The following NTMT2 variants were observed in gnomAD, a reference collection of about 807,000 sequenced individuals.
NTMT2 encodes N-terminal Xaa-Pro-Lys N-methyltransferase 2.
A neutral mutation model predicts 23.4 loss-of-function variants in NTMT2; 21 were observed. That is an observed-to-expected ratio of 0.90 (90% CI 0.64 to 1.29). NTMT2 has a LOEUF of 1.29. Ranked by LOEUF, NTMT2 falls within the 50% of genes most tolerant of loss-of-function variation. NTMT2 has a pLI of 0.00. For synonymous variants in NTMT2, 131 were observed against 127.7 expected (o/e 1.03, Z -0.17); for missense variants, 336 against 352.0 (o/e 0.95, Z 0.36).
At chr1:170,163,987 T>G (rs779419951) in intron 2 of NTMT2, among the ~76,000 whole-genome samples, 12 of 152,088 alleles carry the variant, frequency 7.9e-5, no homozygotes, top group Non-Finnish European at 1.5e-4. Context: ...TGGTGTGTGA[T>G]AGTGCACACC....
intron 2 of NTMT2, among the ~76,000 whole-genome samples, chr1:170,164,260 GT>G (rs922887737): frequency 2.6e-5 from 4 of 152,104 alleles, no homozygotes; most frequent in African/African-American, 9.7e-5. Context: ...AAAGTTCATG[GT>G]GCTTTATTGT....
At chr1:170,160,775 G>T in intron 2 of NTMT2, 82 bp downstream of exon 2, 5 of 1,256,980 alleles carry the variant, frequency 4.0e-6, no homozygotes, top group Non-Finnish European at 5.3e-6. Context: ...TGTTATTTAA[G>T]TCACGACTAA....
chr1:170,163,333 C>T (rs1381658725), intron 2 of NTMT2, among the ~76,000 whole-genome samples: 1 of 152,198 alleles, frequency 6.6e-6, no homozygotes, highest in Admixed American at 6.5e-5. Context: ...ATACGAGTAT[C>T]TGACATGACT....
chr1:170,162,476 C>T (rs1673292145), intron 2 of NTMT2, among the ~76,000 whole-genome samples: 2 of 152,158 alleles, frequency 1.3e-5, no homozygotes, highest in African/African-American at 4.8e-5. Flanking sequence ...ACATCAGCTT[C>T]AGCCATAAAG....
chr1:170,150,502 C>T (rs1325950711), intron 1 of NTMT2, among the ~76,000 whole-genome samples: 2 of 152,132 alleles, frequency 1.3e-5, no homozygotes, highest in Non-Finnish European at 2.9e-5. Flanking sequence ...AAGTAACTTG[C>T]CAAAGATCTT....
rs183687510 is a variant in NTMT2 at position 170,166,505 on chromosome 1, C to T, written c.334C>T (p.Pro112Ser). ...QKFLRKFVGG[P>S]GRAGTDCALD... ...ATATCAAGGTGCCTTTCTGCAGGGG[C>T]CTGGGAGAGCTGGAACAGACTGCGC... is the stretch of plus-strand genomic sequence containing the variant. Residue 112 changes from proline (P) to serine (S), a missense_variant, in exon 3 of 4, where the codon CCT becomes TCT. Coordinates refer to ENST00000439373, the MANE Select transcript of NTMT2 (RefSeq NM_001136107.2). 1.3e-3 allele frequency: 2,024 copies of T among 1,552,182 alleles called. 8 individuals carry two copies. The highest frequency in any genetic ancestry group is 9.8e-4 in the Non-Finnish European group (1,121 of 1,147,094).
intron 2 of NTMT2, among the ~76,000 whole-genome samples, chr1:170,161,247 C>G (rs974680453): frequency 2.0e-5 from 3 of 150,936 alleles, no homozygotes; most frequent in Admixed American, 6.6e-5. Flanking sequence ...TGCAGTGAGC[C>G]GAGATCACGC....
chr1:170,153,049 T>G (rs1673100891), intron 1 of NTMT2, among the ~76,000 whole-genome samples: 1 of 152,174 alleles, frequency 6.6e-6, no homozygotes, highest in Admixed American at 6.5e-5. Flanking sequence ...CACCTTTTAC[T>G]CCCACTCTTG....
intron 1 of NTMT2, among the ~76,000 whole-genome samples, chr1:170,156,438 C>G (rs1365729235): frequency 6.6e-6 from 1 of 152,086 alleles, no homozygotes; most frequent in Non-Finnish European, 1.5e-5. Flanking sequence ...AACTTGTACT[C>G]TATTTTTCTT....
intron 1 of NTMT2, among the ~76,000 whole-genome samples, chr1:170,148,026 C>T (rs1438029659): frequency 6.6e-6 from 1 of 151,952 alleles, no homozygotes; most frequent in Non-Finnish European, 1.5e-5. Flanking sequence ...ACAAAATATT[C>T]CACTGACGCC....
At chr1:170,155,783 A>G (rs1248835238) in intron 1 of NTMT2, among the ~76,000 whole-genome samples, 1 of 152,138 alleles carries the variant, frequency 6.6e-6, no homozygotes, top group Non-Finnish European at 1.5e-5. Context: ...TGTTTGTCAG[A>G]AAGTCTTCAT....
At chr1:170,164,119 C>G (rs963121036) in intron 2 of NTMT2, among the ~76,000 whole-genome samples, 2 of 26,504 alleles carry the variant, frequency 7.5e-5, no homozygotes, top group Admixed American at 6.6e-4. Context: ...GAGACTCTAT[C>G]TCAAAAAAAA....
chr1:170,146,364 A>G, intron 1 of NTMT2, 103 bp downstream of exon 1: 1 of 1,142,204 alleles, frequency 8.8e-7, no homozygotes, highest in Admixed American at 2.8e-5. Flanking sequence ...GACACTTTTC[A>G]GACAAAAAAA....
chr1:170,166,125 C>CTTTTTTTTTTTTTTTTTTTT (rs1420113193), intron 2 of NTMT2, among the ~76,000 whole-genome samples: 2 of 112,568 alleles, frequency 1.8e-5, no homozygotes, highest in Non-Finnish European at 3.5e-5. Flanking sequence ...AATTTTCTTT[C>CTTTTTTTTTTTTTTTTTTTT]TTTTTTTTTT....
intron 1 of NTMT2, among the ~76,000 whole-genome samples, chr1:170,150,494 G>T (rs893387403): frequency 6.6e-6 from 1 of 152,208 alleles, no homozygotes; most frequent in Non-Finnish European, 1.5e-5. Context: ...GATGAGTTAA[G>T]TAACTTGCCA....
intron 1 of NTMT2, among the ~76,000 whole-genome samples, chr1:170,157,600 A>C (rs16863069): frequency 0.018 from 2,765 of 152,164 alleles, 95 homozygotes; most frequent in African/African-American, 0.063. Flanking sequence ...CAAAATTTGG[A>C]ATTATGTAAT....
intron 1 of NTMT2, among the ~76,000 whole-genome samples, chr1:170,148,142 C>CTTTTTTTTTT (rs371620511): frequency 8.0e-5 from 6 of 74,568 alleles, no homozygotes; most frequent in East Asian, 4.6e-4. Flanking sequence ...TGAGGCACTC[C>CTTTTTTTTTT]TTTTTTTTTT....
chr1:170,146,518 G>A (rs1015987978), intron 1 of NTMT2, among the ~76,000 whole-genome samples: 1 of 152,070 alleles, frequency 6.6e-6, no homozygotes, highest in African/African-American at 2.4e-5. Flanking sequence ...TTCTCTGGGT[G>A]TCTGTTGCAT....
At chr1:170,164,973 C>T (rs1369517074) in intron 2 of NTMT2, among the ~76,000 whole-genome samples, 1 of 152,128 alleles carries the variant, frequency 6.6e-6, no homozygotes, top group Non-Finnish European at 1.5e-5. Context: ...CTTCATTGTA[C>T]TTTTCTAGCA....
Sources: gnomAD v4.1 joint callset for allele counts (sites outside exome capture counted in the v4.1 genomes callset) on GRCh38, gnomAD v4.1.1 for gene constraint, MANE v1.5 for transcripts, NCBI Gene and HGNC (gene_info 2026-07-23, HGNC 2026-07-21) for gene names.